Variants in CSMD2 observed in about 807,000 individuals in gnomAD.
CSMD2 encodes CUB and sushi domain-containing protein 2.
CSMD2 carries 130 observed loss-of-function variants against 398.5 expected under a neutral mutation model. That is an observed-to-expected ratio of 0.33 (90% confidence interval 0.28 to 0.38). CSMD2 has a LOEUF of 0.38. Ranked by LOEUF, CSMD2 falls within the 10% of genes least tolerant of loss-of-function variation. CSMD2 has a pLI of 1.00. For synonymous variants in CSMD2, 1,828 were observed against 1,908.5 expected (o/e 0.96, Z 1.10); for missense variants, 3,829 against 4,764.9 (o/e 0.80, Z 5.78).
intron 10 of CSMD2, among the ~76,000 whole-genome samples, chr1:33,805,593 A>T (rs576997089): frequency 1.3e-5 from 2 of 152,296 alleles, no homozygotes; most frequent in East Asian, 3.9e-4. Context: ...TGAATCCCCA[A>T]TGTGAATATA....
At chr1:34,101,467 A>C (rs1415028234) in intron 1 of CSMD2, among the ~76,000 whole-genome samples, 2 of 152,220 alleles carry the variant, frequency 1.3e-5, no homozygotes, top group Non-Finnish European at 2.9e-5. Flanking sequence ...TATCCTTTCT[A>C]GGAAATGTGC....
rs1390509177 is a variant in CSMD2 at position 33,519,655 on chromosome 1, T to C, written c.10759A>G (p.Asn3587Asp). The C allele has an allele frequency of 1.2e-6, 2 of 1,613,974 alleles. No individual in the cohort carries two copies. The highest frequency in any genetic ancestry group is 1.7e-5 in the Admixed American group (1 of 60,010). ...GTGTTCTCGTGGCCAGCATAGCCAT[T>C]GAAAGGAACTTTGGGTCTTCTCCTG... is the stretch of plus-strand genomic sequence containing the variant. The part of the protein sequence containing the change: ...KHRRRPKVPF[N>D]GYAGHENTNV... The change falls in exon 70 of 71, where the codon AAT becomes GAT. Residue 3587 changes from asparagine (N) to aspartate (D), a missense_variant. Physicochemically the swap from Asn to Asp is conservative, Grantham distance 23. This residue lies in a region of CSMD2 where 917 missense variants were observed against 1,199.5 expected (regional missense o/e 0.76). Coordinates refer to ENST00000373381, the MANE Select transcript of CSMD2 (RefSeq NM_001281956.2). The surrounding 1 kb of genome is among the most constrained non-coding windows in gnomAD (Gnocchi z 5.6).
intron 25 of CSMD2, among the ~76,000 whole-genome samples, chr1:33,690,884 A>C (rs923092282): frequency 1.1e-4 from 16 of 152,204 alleles, no homozygotes; most frequent in Non-Finnish European, 1.8e-4. Context: ...CATGAGCATA[A>C]ATAAAGGAGA....
chr1:33,663,367 A>G (rs920264519), intron 25 of CSMD2, among the ~76,000 whole-genome samples: 2 of 152,158 alleles, frequency 1.3e-5, no homozygotes, highest in African/African-American at 4.8e-5. Context: ...TGCCATTGTC[A>G]GACTGCATCC....
chr1:33,764,966 A>G (rs1650303232), intron 13 of CSMD2, among the ~76,000 whole-genome samples: 1 of 152,232 alleles, frequency 6.6e-6, no homozygotes. Context: ...GAGAAATGAA[A>G]AAAGTACCTG....
chr1:33,956,326 C>G (rs1040932688), intron 3 of CSMD2, among the ~76,000 whole-genome samples: 2 of 152,010 alleles, frequency 1.3e-5, no homozygotes, highest in African/African-American at 2.4e-5. Context: ...CTCCATTTCC[C>G]CCTCCTCCCA....
chr1:33,897,723 G>C (rs1642484224), intron 5 of CSMD2, among the ~76,000 whole-genome samples: 1 of 152,164 alleles, frequency 6.6e-6, no homozygotes, highest in African/African-American at 2.4e-5. Flanking sequence ...ACCTGAGATG[G>C]GGAGCGGCAA....
chr1:33,580,075 A>G (rs898264975), intron 48 of CSMD2, among the ~76,000 whole-genome samples: 9 of 151,720 alleles, frequency 5.9e-5, no homozygotes, highest in Admixed American at 6.6e-5. Context: ...CTGGTGTGTG[A>G]TGGAACCCCC....
At chr1:34,039,525 T>C (rs999657821) in intron 2 of CSMD2, among the ~76,000 whole-genome samples, 7 of 152,200 alleles carry the variant, frequency 4.6e-5, no homozygotes, top group Non-Finnish European at 1.0e-4. Context: ...TCAGGTATGG[T>C]GAGGCCAACA....
At chr1:33,986,313 G>A (rs906354728) in intron 3 of CSMD2, among the ~76,000 whole-genome samples, 6 of 152,196 alleles carry the variant, frequency 3.9e-5, no homozygotes, top group Middle Eastern at 3.2e-3. Context: ...CTGAAAGCTT[G>A]CCTTCTGCAG....
chr1:33,910,479 A>C (rs71647958), intron 5 of CSMD2, among the ~76,000 whole-genome samples: 8 of 152,194 alleles, frequency 5.3e-5, no homozygotes, highest in Non-Finnish European at 1.2e-4. Context: ...ACTTGTTTCA[A>C]GGACAGTCTT....
chr1:34,143,734 C>T (rs1276378507), intron 1 of CSMD2, among the ~76,000 whole-genome samples: 2 of 152,174 alleles, frequency 1.3e-5, no homozygotes, highest in African/African-American at 2.4e-5. Context: ...CTTGGTGTTG[C>T]TACTGCTTTA....
intron 5 of CSMD2, among the ~76,000 whole-genome samples, chr1:33,859,888 G>A (rs918645836): frequency 1.3e-5 from 2 of 152,158 alleles, no homozygotes; most frequent in Non-Finnish European, 2.9e-5. Context: ...TGTGATTCCT[G>A]GAGATGATGG....
chr1:33,638,827 A>G (rs1461799415), intron 29 of CSMD2, among the ~76,000 whole-genome samples: 3 of 152,084 alleles, frequency 2.0e-5, no homozygotes, highest in African/African-American at 7.2e-5. Flanking sequence ...CAATGCCCCC[A>G]ACACCCTCCT....
At chr1:33,739,905 A>C (rs1647000995) in intron 14 of CSMD2, among the ~76,000 whole-genome samples, 1 of 152,154 alleles carries the variant, frequency 6.6e-6, no homozygotes, top group African/African-American at 2.4e-5. Context: ...CACTCTACCC[A>C]GGCAATTGAT....
intron 3 of CSMD2, among the ~76,000 whole-genome samples, chr1:33,970,133 G>C (rs1645706569): frequency 6.6e-6 from 1 of 151,244 alleles, no homozygotes; most frequent in African/African-American, 2.4e-5. Flanking sequence ...AAAAGAAAAG[G>C]CAGAAATTCA....
intron 28 of CSMD2, among the ~76,000 whole-genome samples, chr1:33,651,702 A>G (rs1306937465): frequency 1.3e-5 from 2 of 152,202 alleles, no homozygotes. Context: ...AAGGGTGATC[A>G]AGAGGTGGAG....
intron 32 of CSMD2, among the ~76,000 whole-genome samples, chr1:33,630,709 C>A (rs1029879648): frequency 5.3e-5 from 8 of 152,168 alleles, no homozygotes; most frequent in African/African-American, 1.9e-4. Flanking sequence ...AGGCCACATT[C>A]TTTCACTACA....
At chr1:33,937,283 G>A (rs1406078020) in intron 3 of CSMD2, among the ~76,000 whole-genome samples, 1 of 152,182 alleles carries the variant, frequency 6.6e-6, no homozygotes, top group East Asian at 1.9e-4. Flanking sequence ...AAACCCAGCT[G>A]GGGGAGAGGT....
Sources: allele counts gnomAD v4.1 joint callset (sites outside exome capture counted in the v4.1 genomes callset), GRCh38; gene constraint gnomAD v4.1.1; regional missense constraint gnomAD v4.1.1; non-coding constraint Gnocchi (gnomAD v3.1); transcripts MANE v1.5; gene names NCBI Gene and HGNC (gene_info 2026-07-23, HGNC 2026-07-21).